Variants in ITGAV observed in about 807,000 individuals in gnomAD.
ITGAV encodes integrin subunit alpha V.
Under a neutral mutation model 143.8 loss-of-function variants are expected in ITGAV, and 76 were observed. That is an observed-to-expected ratio of 0.53 (90% CI 0.44 to 0.64). The LOEUF is 0.64. Among genes scored for constraint, ITGAV ranks in the 30% least tolerant of loss-of-function variants. ITGAV has a pLI of 0.00. For synonymous variants in ITGAV, 453 were observed against 446.7 expected (o/e 1.01, Z -0.18); for missense variants, 1,193 against 1,274.7 (o/e 0.94, Z 0.98).
chr2:186,638,897 C>CTT (rs757207733), intron 10 of ITGAV, among the ~76,000 whole-genome samples: 118 of 130,718 alleles, frequency 9.0e-4, no homozygotes, highest in African/African-American at 3.0e-3. Flanking sequence ...TTTTTGTTTC[C>CTT]TTTTTTTTTT....
chr2:186,597,266 G>C (rs551316909), intron 1 of ITGAV, among the ~76,000 whole-genome samples: 1 of 152,246 alleles, frequency 6.6e-6, no homozygotes, highest in African/African-American at 2.4e-5. Flanking sequence ...AGCTCTCTCT[G>C]TCTTATAGTG....
At chr2:186,651,833 T>A (rs1688440453) in intron 14 of ITGAV, 149 bp from the exon 15 acceptor site, 2 of 555,670 alleles carry the variant, frequency 3.6e-6, no homozygotes, top group African/African-American at 3.9e-5. Context: ...TCACCTACGG[T>A]TATGTTGTTC....
chr2:186,641,646 T>TTC (rs1371322175), intron 12 of ITGAV, 58 bp downstream of exon 12: 1 of 1,425,276 alleles, frequency 7.0e-7, no homozygotes, highest in African/African-American at 1.4e-5. Context: ...CCTGGAAAAG[T>TTC]TCTGTAAGTC....
chr2:186,664,717 A>G (rs895810756), intron 20 of ITGAV, 76 bp downstream of exon 20: 3 of 1,558,108 alleles, frequency 1.9e-6, no homozygotes, highest in African/African-American at 2.7e-5. Context: ...TCCCCTATTT[A>G]GTGAAGCACA....
intron 4 of ITGAV, among the ~76,000 whole-genome samples, chr2:186,626,360 T>C (rs1013926395): frequency 1.3e-5 from 2 of 152,224 alleles, no homozygotes; most frequent in Non-Finnish European, 2.9e-5. Flanking sequence ...CGCTACCCTT[T>C]GTTGAATTGG....
At position 186,664,480 on chromosome 2, in the gene ITGAV, T is replaced by C. The variant is rs1272723414; in HGVS notation, c.1926-14T>C. On this transcript the variant is annotated splice_polypyrimidine_tract_variant and intron_variant, in intron 19 of 29. Transcript: ENST00000261023. ...CTTTTTTTCTCAGTCTGGATTTGTATTGTTAACTTGTAGTGATCAAAAGAA... is the reference window on the plus strand; with the variant it reads ...CTTTTTTTCTCAGTCTGGATTTGTACTGTTAACTTGTAGTGATCAAAAGAA... 5.6e-6 allele frequency: 9 copies of C among 1,611,520 alleles called. No individual in the cohort carries two copies. Among genetic ancestry groups the C allele is most frequent in the African/African-American group, 4.0e-5 (3 of 74,738 alleles).
At chr2:186,634,184 G>A (rs1687893673) in intron 6 of ITGAV, among the ~76,000 whole-genome samples, 1 of 152,118 alleles carries the variant, frequency 6.6e-6, no homozygotes, top group African/African-American at 2.4e-5. Flanking sequence ...ATAGATTATT[G>A]TTGACAGTGT....
rs61765170 is a variant in ITGAV at position 186,636,395 on chromosome 2, A to T, written c.757+188A>T. 6.7e-3 allele frequency among the ~76,000 whole-genome samples: 1,024 copies of T among 152,308 alleles called. 9 individuals carry two copies. Among genetic ancestry groups the T allele is most frequent in the African/African-American group, 0.023 (972 of 41,566 alleles). On this transcript the variant is annotated intron_variant, in intron 7 of 29. Transcript: ENST00000261023. Reference sequence around the variant, plus strand: ...GTTACGTTTCAGTAATTGAAATTGAAGACAGTGATTATTTGTGCAGTGATA... The same window carrying T: ...GTTACGTTTCAGTAATTGAAATTGATGACAGTGATTATTTGTGCAGTGATA...
In ITGAV at chr2:186,622,180, A is replaced by C. The variant is rs12611439; in HGVS notation, c.317-159A>C. Among the ~76,000 whole-genome samples the C allele has an allele frequency of 0.016, 2,463 of 152,304 alleles. 163 individuals are homozygous for C. In the East Asian group the frequency reaches 0.18, roughly 11 times the overall value. On this transcript the variant is annotated intron_variant, in intron 2 of 29. Coordinates refer to ENST00000261023, the MANE Select transcript of ITGAV (RefSeq NM_002210.5). ...TATCCTATGTTTCTGATTACTTGAA[A>C]GTCTCTAATGTATATAAACTGTATA...
chr2:186,643,234 T>C (rs1264428241), intron 12 of ITGAV, among the ~76,000 whole-genome samples: 2 of 152,218 alleles, frequency 1.3e-5, no homozygotes, highest in East Asian at 3.9e-4. Context: ...TAAGTTTTTG[T>C]TATAATGTGT....
intron 15 of ITGAV, among the ~76,000 whole-genome samples, chr2:186,652,931 ATTTTTTT>A (rs35139936): frequency 7.3e-5 from 6 of 82,422 alleles, no homozygotes; most frequent in African/African-American, 2.4e-4. Flanking sequence ...TTCATTATAG[ATTTTTTT>A]TTTTTTTTTT....
chr2:186,600,186 C>G, intron 1 of ITGAV: 1 of 679,968 alleles, frequency 1.5e-6, no homozygotes. Flanking sequence ...GGCTTGTCCC[C>G]TCCTTCAGCC....
At chr2:186,638,976 AAAAAG>A (rs1688028693) in intron 10 of ITGAV, among the ~76,000 whole-genome samples, 1 of 151,810 alleles carries the variant, frequency 6.6e-6, no homozygotes, top group African/African-American at 2.4e-5. Flanking sequence ...ACTGAAAAGA[AAAAAG>A]AGAAAAGAAT....
chr2:186,653,907 TC>T (rs1233579210), intron 15 of ITGAV, among the ~76,000 whole-genome samples: 2 of 152,230 alleles, frequency 1.3e-5, no homozygotes, highest in East Asian at 3.8e-4. Context: ...AAAAAATTTT[TC>T]TTAAGATGCT....
intron 24 of ITGAV, 33 bp from the exon 25 acceptor site, chr2:186,668,729 A>C (rs1688982938): frequency 5.0e-6 from 8 of 1,598,734 alleles, no homozygotes; most frequent in Non-Finnish European, 6.8e-6. Flanking sequence ...ATTTTTGCCC[A>C]AGGTGTAGAT....
chr2:186,650,572 CT>C (rs879451319), intron 14 of ITGAV, among the ~76,000 whole-genome samples: 186 of 142,218 alleles, frequency 1.3e-3, no homozygotes, highest in East Asian at 2.0e-3. Flanking sequence ...ACTAGAACTT[CT>C]TTTTTTTTTT....
At chr2:186,633,750 A>G (rs183699995) in intron 6 of ITGAV, among the ~76,000 whole-genome samples, 71 of 152,264 alleles carry the variant, frequency 4.7e-4, no homozygotes, top group Non-Finnish European at 8.1e-4. Context: ...GTATAGGCCA[A>G]CTGTGGCATT....
At chr2:186,616,429 C>A (rs1485887059) in intron 2 of ITGAV, among the ~76,000 whole-genome samples, 2 of 151,474 alleles carry the variant, frequency 1.3e-5, no homozygotes, top group African/African-American at 4.8e-5. Context: ...CAGGCGCCCG[C>A]CAGCACGCCC....
At chr2:186,629,572 C>CA (rs879770762) in intron 4 of ITGAV, among the ~76,000 whole-genome samples, 287 of 135,180 alleles carry the variant, frequency 2.1e-3, no homozygotes, top group East Asian at 3.1e-3. Flanking sequence ...TATTTTCTTT[C>CA]AAAAAAAAAA....
Sources: allele counts gnomAD v4.1 joint callset (sites outside exome capture counted in the v4.1 genomes callset), GRCh38; gene constraint gnomAD v4.1.1; transcripts MANE v1.5; gene names NCBI Gene and HGNC (gene_info 2026-07-23, HGNC 2026-07-21).